Variants in PHF11 observed in about 807,000 individuals in gnomAD.
PHF11 encodes the protein PHD finger protein 11, also known as BRCA1 C-terminus-associated protein.
Under a neutral mutation model 40.5 loss-of-function variants are expected in PHF11, and 38 were observed. That is an observed-to-expected ratio of 0.94 (90% confidence interval 0.72 to 1.23). PHF11 has a LOEUF of 1.23. Ranked by LOEUF, PHF11 falls within the 50% of genes most tolerant of loss-of-function variation. PHF11 has a pLI of 0.00. For synonymous variants in PHF11, 127 were observed against 138.2 expected (o/e 0.92, Z 0.57); for missense variants, 369 against 392.4 (o/e 0.94, Z 0.50).
intron 3 of PHF11, 46 bp from the exon 4 acceptor site, chr13:49,517,972 A>G (rs375037735): frequency 9.4e-7 from 1 of 1,065,634 alleles, no homozygotes; most frequent in South Asian, 1.5e-5. Context: ...ATTTTAACAA[A>G]TAACAACAAA....
At position 49,495,958 on chromosome 13, in the gene PHF11, CG is replaced by C; in HGVS notation, c.-41del. The C allele has an allele frequency of 7.6e-7, 1 of 1,320,626 alleles. No individual in the cohort carries two copies. The highest frequency in any genetic ancestry group is 1.0e-6 in the Non-Finnish European group (1 of 967,648). The allele number at this position is 1,320,626 out of a possible 1,614,324, so 81.8% of individuals were successfully genotyped here. On this transcript the variant is annotated 5_prime_UTR_variant, in exon 1 of 10. Transcript: ENST00000378319. ...AAACCTAGTGCAGCTGGGGCACTTCCGGGATCTCGCTATCCGGCCGCCACCC... is the reference window on the plus strand; with the variant it reads ...AAACCTAGTGCAGCTGGGGCACTTCCGGATCTCGCTATCCGGCCGCCACCC...
At chr13:49,505,126 A>T (rs1423322805) in intron 1 of PHF11, among the ~76,000 whole-genome samples, 3 of 149,368 alleles carry the variant, frequency 2.0e-5, no homozygotes, top group African/African-American at 4.9e-5. Flanking sequence ...AAAATAATAA[A>T]AAAATAAATA....
At chr13:49,504,218 G>A (rs1216976761) in intron 1 of PHF11, among the ~76,000 whole-genome samples, 1 of 152,028 alleles carries the variant, frequency 6.6e-6, no homozygotes, top group African/African-American at 2.4e-5. Context: ...GGGAGGCCAA[G>A]CAGGCTGATC....
intron 9 of PHF11, 58 bp downstream of exon 9, chr13:49,526,516 T>C (rs1959289087): frequency 1.1e-6 from 1 of 915,036 alleles, no homozygotes; most frequent in Admixed American, 1.7e-5. Context: ...TATCACGATA[T>C]TGAAACAATA....
chr13:49,496,534 G>T, intron 1 of PHF11: 1 of 754,434 alleles, frequency 1.3e-6, no homozygotes. Flanking sequence ...GTTCACGGAG[G>T]ACGTGACTGG....
chr13:49,497,436 C>A (rs754578837), intron 1 of PHF11, among the ~76,000 whole-genome samples: 45 of 152,212 alleles, frequency 3.0e-4, no homozygotes, highest in Non-Finnish European at 5.3e-4. Context: ...TCCTCAGGGC[C>A]TCTCTTTCCT....
At chr13:49,520,260 G>A (rs1450521260) in intron 4 of PHF11, among the ~76,000 whole-genome samples, 1 of 152,146 alleles carries the variant, frequency 6.6e-6, no homozygotes, top group African/African-American at 2.4e-5. Flanking sequence ...TGTTGGCCAG[G>A]AGGGTCTCCA....
intron 1 of PHF11, chr13:49,497,007 A>G: frequency 2.5e-6 from 3 of 1,187,758 alleles, no homozygotes; most frequent in South Asian, 1.5e-5. Flanking sequence ...CTAATTTTGT[A>G]TTTTTAGTAG....
intron 5 of PHF11, chr13:49,521,196 AAACT>A: frequency 8.9e-7 from 1 of 1,121,516 alleles, no homozygotes; most frequent in East Asian, 4.9e-5. Flanking sequence ...TCACAGAACC[AAACT>A]AAGACATGGG....
intron 1 of PHF11, among the ~76,000 whole-genome samples, chr13:49,497,457 C>T (rs1339681382): frequency 6.6e-6 from 1 of 152,178 alleles, no homozygotes; most frequent in East Asian, 1.9e-4. Context: ...CCGGACACCC[C>T]TTCTAATGCA....
Position 49,522,951 on chromosome 13 carries a change from A to C in PHF11, c.571-224A>C, listed in dbSNP as rs1594221585. Among the ~76,000 whole-genome samples, 4 of 151,822 alleles carry C rather than the reference A, an allele frequency of 2.6e-5. No individual in the cohort carries two copies. In the South Asian group the frequency reaches 6.3e-4, roughly 24 times the overall value. The stretch of plus-strand genomic sequence containing the variant: ...GGCTAATTTTTGTATTTTTAGTAGC[A>C]ACAAGGTTTCACCCTGTTGTCCAGG... On this transcript the variant is annotated intron_variant, in intron 6 of 9. Transcript: ENST00000378319.
intron 2 of PHF11, among the ~76,000 whole-genome samples, chr13:49,509,922 T>C (rs1959060764): frequency 6.6e-6 from 1 of 152,232 alleles, no homozygotes; most frequent in Admixed American, 6.5e-5. Flanking sequence ...TCTCACACTA[T>C]AACAATATAA....
At chr13:49,514,777 AG>A (rs1959129916) in intron 3 of PHF11, among the ~76,000 whole-genome samples, 2 of 136,192 alleles carry the variant, frequency 1.5e-5, no homozygotes, top group Admixed American at 1.5e-4. Flanking sequence ...AAAAAAAAAA[AG>A]AGTGTGTGGA....
intron 1 of PHF11, among the ~76,000 whole-genome samples, chr13:49,497,693 C>G (rs1315271144): frequency 1.3e-5 from 2 of 152,190 alleles, no homozygotes; most frequent in African/African-American, 4.8e-5. Flanking sequence ...CAAAACCCAC[C>G]AATAGTCTCC....
chr13:49,525,515 G>A (rs577658706), intron 8 of PHF11, among the ~76,000 whole-genome samples: 17 of 152,168 alleles, frequency 1.1e-4, no homozygotes, highest in East Asian at 5.8e-4. Flanking sequence ...CCCAAAGTGC[G>A]GGGATTACAG....
At chr13:49,500,222 G>A (rs189352838) in intron 1 of PHF11, among the ~76,000 whole-genome samples, 2 of 152,082 alleles carry the variant, frequency 1.3e-5, no homozygotes, top group South Asian at 4.1e-4. Context: ...GAGTCCTCAG[G>A]GTTGCTAAAC....
Position 49,496,103 on chromosome 13 carries a change from C to G in PHF11, c.94+8C>G. On this transcript the variant is annotated splice_region_variant and intron_variant, in intron 1 of 9. Transcript: ENST00000378319. ...CGCTCCTCCTTCCCACCGGTGTGTA[C>G]CGCGGGGGCGGGCGGGCGGGCGGGC... The G allele has an allele frequency of 1.2e-6, 1 of 820,362 alleles. No individual in the cohort carries two copies. The highest frequency in any genetic ancestry group is 1.6e-6 in the Non-Finnish European group (1 of 635,090). The allele number at this position is 820,362 out of a possible 1,614,324, so 50.8% of individuals were successfully genotyped here. A position where few individuals can be genotyped will look rare whatever the true frequency, so the allele number is the denominator to read the frequency against.
At chr13:49,508,328 C>A (rs9568229) in intron 2 of PHF11, among the ~76,000 whole-genome samples, 2 of 143,508 alleles carry the variant, frequency 1.4e-5, no homozygotes, top group South Asian at 2.1e-4. Context: ...TAATATATTA[C>A]TATATTCATA....
At chr13:49,521,659 T>G (rs1224324832) in intron 5 of PHF11, among the ~76,000 whole-genome samples, 1 of 152,232 alleles carries the variant, frequency 6.6e-6, no homozygotes, top group African/African-American at 2.4e-5. Flanking sequence ...GCAAATGTCA[T>G]CTATTAAATA....
Sources: allele counts gnomAD v4.1 joint callset (sites outside exome capture counted in the v4.1 genomes callset), GRCh38; gene constraint gnomAD v4.1.1; transcripts MANE v1.5; gene names NCBI Gene and HGNC (gene_info 2026-07-23, HGNC 2026-07-21).